The following IFT80 variants were observed in gnomAD, a reference collection of about 807,000 sequenced individuals.
The protein encoded by IFT80 is intraflagellar transport 80.
In IFT80, 79 loss-of-function variants were observed where a neutral mutation model predicts 107.9. The observed-to-expected ratio is 0.73, with a 90% CI of 0.61 to 0.88. The LOEUF is 0.88. Ranked by LOEUF, IFT80 falls within the 40% of genes least tolerant of loss-of-function variation. The pLI, the probability that IFT80 is intolerant of heterozygous loss-of-function variation, is 0.00. For missense variants in IFT80, 797 were observed against 914.2 expected, an observed-to-expected ratio of 0.87 and a Z score of 1.65; for synonymous variants, 299 against 300.9, an observed-to-expected ratio of 0.99 and a Z score of 0.07.
rs1318071782 is a variant in IFT80 at position 160,321,601 on chromosome 3, GTTTAA to G, written c.778-1667_778-1663del. ...TCTATATATACATACCTATGTTAAA[GTTTAA>G]TTTATAAATTAGGGAAAGTAAGAGA... On this transcript the variant is annotated intron_variant, in intron 8 of 19. Transcript: ENST00000326448. Among the ~76,000 whole-genome samples, 4 of 151,964 alleles carry G rather than the reference GTTTAA, an allele frequency of 2.6e-5. No individual in the cohort carries two copies. In the East Asian group the frequency reaches 7.7e-4, roughly 29 times the overall value.
chr3:160,347,233 C>T (rs1165731095), intron 8 of IFT80, among the ~76,000 whole-genome samples: 2 of 152,036 alleles, frequency 1.3e-5, no homozygotes, highest in African/African-American at 4.8e-5. Flanking sequence ...GGATAGTAGG[C>T]AGGTAAGCAA....
rs1450870138 is a variant in IFT80 at position 160,356,143 on chromosome 3, T to C, written c.647A>G (p.Asp216Gly). Residue 216 changes from aspartate (D) to glycine (G), a missense_variant, in exon 8 of 20, where the codon GAT becomes GGT. Physicochemically the swap from Asp to Gly is moderately conservative, Grantham distance 94. Transcript: ENST00000326448. ...AGEDCKYKVWDSYGRPLYNSQ... is the reference protein window; with the variant it reads ...AGEDCKYKVWGSYGRPLYNSQ... ...ATTGTACAGTGGGCGGCCGTAACTA[T>C]CCCATACCTACAAAAGCAATTTTTA... 1.9e-6 allele frequency: 3 copies of C among 1,612,858 alleles called. No individual in the cohort carries two copies. In the East Asian group the frequency reaches 6.7e-5, roughly 36 times the overall value.
chr3:160,321,240 G>A (rs978383053), intron 8 of IFT80, among the ~76,000 whole-genome samples: 2 of 151,914 alleles, frequency 1.3e-5, no homozygotes, highest in African/African-American at 4.8e-5. Context: ...CTAATAACCT[G>A]CTTTGGGCGA....
At chr3:160,357,699 C>A in intron 6 of IFT80, 121 bp from the exon 7 acceptor site, 1 of 652,112 alleles carries the variant, frequency 1.5e-6, no homozygotes, top group South Asian at 1.8e-5. Flanking sequence ...GGATTCCTAT[C>A]TTCCTTTTAT....
At position 160,309,470 on chromosome 3, in the gene IFT80, A is replaced by C. The variant is rs555334097; in HGVS notation, c.958-1689T>G. ...CTTTGGGAGGCCAAGGCAGGCAGAT[A>C]ACAAGGTCAGATCGAGACCATCCTG... On this transcript the variant is annotated intron_variant, in intron 9 of 19. Transcript: ENST00000326448. Among the ~76,000 whole-genome samples, 20 of 152,272 alleles carry C rather than the reference A, an allele frequency of 1.3e-4. No homozygotes were observed. In the South Asian group the frequency reaches 3.5e-3, roughly 27 times the overall value.
chr3:160,292,927 C>T (rs977845550), intron 12 of IFT80, among the ~76,000 whole-genome samples: 2 of 152,146 alleles, frequency 1.3e-5, no homozygotes, highest in African/African-American at 4.8e-5. Context: ...TACTTTTAAG[C>T]CTTAACATCA....
intron 19 of IFT80, among the ~76,000 whole-genome samples, chr3:160,262,353 A>G (rs934879679): frequency 1.3e-5 from 2 of 152,196 alleles, no homozygotes; most frequent in African/African-American, 4.8e-5. Context: ...GAAACTAATC[A>G]GGTGAGGTTT....
At chr3:160,339,368 G>T (rs2108331055) in intron 8 of IFT80, among the ~76,000 whole-genome samples, 1 of 152,240 alleles carries the variant, frequency 6.6e-6, no homozygotes, top group Non-Finnish European at 1.5e-5. Flanking sequence ...CAAAAACTTG[G>T]AAGGTAGACA....
chr3:160,312,305 A>T (rs1717331819), intron 9 of IFT80, among the ~76,000 whole-genome samples: 1 of 151,542 alleles, frequency 6.6e-6, no homozygotes, highest in Admixed American at 6.6e-5. Flanking sequence ...GTGGCTGTAG[A>T]TTTTTTTGGT....
intron 1 of IFT80, among the ~76,000 whole-genome samples, chr3:160,391,805 A>C (rs1713404678): frequency 6.6e-6 from 1 of 152,254 alleles, no homozygotes; most frequent in East Asian, 1.9e-4. Flanking sequence ...GACCTTGTGG[A>C]AAGTCACATC....
intron 6 of IFT80, among the ~76,000 whole-genome samples, chr3:160,362,239 C>T (rs909359899): frequency 6.6e-6 from 1 of 152,148 alleles, no homozygotes; most frequent in South Asian, 2.1e-4. Context: ...TCAGAGAATA[C>T]AATCAACACC....
chr3:160,336,150 G>A (rs746836843), intron 8 of IFT80, among the ~76,000 whole-genome samples: 9 of 151,972 alleles, frequency 5.9e-5, no homozygotes, highest in Admixed American at 1.3e-4. Flanking sequence ...ATTTCTCTTG[G>A]GTATATACCC....
At chr3:160,371,000 G>A (rs1711502627) in intron 5 of IFT80, among the ~76,000 whole-genome samples, 1 of 152,224 alleles carries the variant, frequency 6.6e-6, no homozygotes, top group Admixed American at 6.5e-5. Context: ...TAAAAGATTG[G>A]CATTATCTTT....
chr3:160,271,853 T>C (rs1268685008), intron 18 of IFT80, among the ~76,000 whole-genome samples: 1 of 151,746 alleles, frequency 6.6e-6, no homozygotes, highest in Non-Finnish European at 1.5e-5. Flanking sequence ...TGATCATCAA[T>C]GGCTACTAAC....
Position 160,300,901 on chromosome 3 carries a change from C to G in IFT80, c.1297G>C (p.Asp433His). 3 of 1,606,398 alleles carry G rather than the reference C, an allele frequency of 1.9e-6. No individual in the cohort carries two copies. The highest frequency in any genetic ancestry group is 2.5e-6 in the Non-Finnish European group (3 of 1,176,504). The change falls in exon 12 of 20, where the codon GAC becomes CAC. Residue 433 changes from aspartate (D) to histidine (H), a missense_variant. Asp to His is a moderately conservative substitution (Grantham distance 81). Coordinates refer to ENST00000326448, the MANE Select transcript of IFT80 (RefSeq NM_020800.3). The stretch of plus-strand genomic sequence containing the variant: ...TACTTACTTTTTTCATCAGCTTTGT[C>G]TCTTATTGCTATGGTATCATTACTC... Reference protein sequence around the residue: ...SLSNDTIAIRDKADEKIIFLF... With the variant: ...SLSNDTIAIRHKADEKIIFLF...
At chr3:160,328,620 G>A (rs548086984) in intron 8 of IFT80, among the ~76,000 whole-genome samples, 4 of 151,926 alleles carry the variant, frequency 2.6e-5, no homozygotes, top group Admixed American at 6.6e-5. Flanking sequence ...ACTATCATTC[G>A]GCCCAGTGAT....
At chr3:160,317,709 G>A (rs1305507894) in intron 9 of IFT80, among the ~76,000 whole-genome samples, 1 of 151,970 alleles carries the variant, frequency 6.6e-6, no homozygotes, top group Non-Finnish European at 1.5e-5. Context: ...GAAGATAGAG[G>A]GACATGTCAA....
At chr3:160,397,676 T>C (rs1482951847) in intron 1 of IFT80, among the ~76,000 whole-genome samples, 1 of 151,742 alleles carries the variant, frequency 6.6e-6, no homozygotes, top group Non-Finnish European at 1.5e-5. Flanking sequence ...CACTACATTG[T>C]GCTCTGTTGC....
chr3:160,296,015 C>T (rs1199077879), intron 12 of IFT80, among the ~76,000 whole-genome samples: 1 of 152,102 alleles, frequency 6.6e-6, no homozygotes, highest in Non-Finnish European at 1.5e-5. Context: ...TGGGGAGTTG[C>T]TAATCAAGGG....
Sources: allele counts gnomAD v4.1 joint callset (sites outside exome capture counted in the v4.1 genomes callset), GRCh38; gene constraint gnomAD v4.1.1; transcripts MANE v1.5; gene names NCBI Gene and HGNC (gene_info 2026-07-23, HGNC 2026-07-21).